The following FTCDNL1 variants were observed in gnomAD, a reference collection of about 807,000 sequenced individuals.
FTCDNL1 encodes the protein formiminotransferase cyclodeaminase N-terminal like, also known as formiminotransferase N-terminal subdomain-containing protein.
FTCDNL1 carries 11 observed loss-of-function variants against 5.9 expected under a neutral mutation model. That is an observed-to-expected ratio of 1.87 (90% CI 1.18 to 3.10). The LOEUF (loss-of-function observed/expected upper bound fraction) is 3.10. Among genes scored for constraint, FTCDNL1 ranks in the 30% most tolerant of loss-of-function variants. FTCDNL1 has a pLI of 0.00. For synonymous variants in FTCDNL1, 58 were observed against 24.8 expected (o/e 2.34, Z -3.99); for missense variants, 115 against 65.5 (o/e 1.76, Z -2.61).
chr2:199,740,920 C>G, the FTCDNL1 span, among the ~76,000 whole-genome samples: 1 of 152,096 alleles, frequency 6.6e-6, no homozygotes, highest in South Asian at 2.1e-4. Flanking sequence ...AATGGTTCGG[C>G]AAATGTTATA....
the FTCDNL1 span, among the ~76,000 whole-genome samples, chr2:199,696,382 C>A: frequency 6.6e-6 from 1 of 152,154 alleles, no homozygotes; most frequent in African/African-American, 2.4e-5. Context: ...TGCCAGCAAC[C>A]TCCCTCCCCC....
chr2:199,695,929 C>A, the FTCDNL1 span, among the ~76,000 whole-genome samples: 1 of 152,184 alleles, frequency 6.6e-6, no homozygotes, highest in East Asian at 1.9e-4. Context: ...GGGACCGAGG[C>A]AGTCTAATCT....
intron 4 of FTCDNL1, 71 bp downstream of exon 4, chr2:199,819,501 T>C (rs2106503541): frequency 1.5e-6 from 1 of 677,008 alleles, no homozygotes; most frequent in Non-Finnish European, 2.6e-6. Flanking sequence ...TAACAGGGTG[T>C]GGCTCATAAA....
chr2:199,741,495 G>A, the FTCDNL1 span, among the ~76,000 whole-genome samples: 2 of 152,022 alleles, frequency 1.3e-5, no homozygotes, highest in East Asian at 1.9e-4. Context: ...AGTCCCTTTC[G>A]ATTAGGTGAC....
chr2:199,701,346 A>C, the FTCDNL1 span, among the ~76,000 whole-genome samples: 1 of 86,390 alleles, frequency 1.2e-5, no homozygotes, highest in Non-Finnish European at 2.7e-5. Context: ...AAAAAAAAAA[A>C]AAAAAACCAC....
chr2:199,745,244 A>G, the FTCDNL1 span, among the ~76,000 whole-genome samples: 3 of 152,220 alleles, frequency 2.0e-5, no homozygotes, highest in Non-Finnish European at 2.9e-5. Context: ...AACTTGGGAT[A>G]TTGCAGTGAA....
At chr2:199,723,746 G>A in the FTCDNL1 span, among the ~76,000 whole-genome samples, 4 of 152,218 alleles carry the variant, frequency 2.6e-5, no homozygotes, top group East Asian at 1.9e-4. Context: ...ACTTGATTGC[G>A]GTGGATAAGC....
chr2:199,666,784 G>A, the FTCDNL1 span, among the ~76,000 whole-genome samples: 16 of 151,960 alleles, frequency 1.1e-4, no homozygotes, highest in East Asian at 1.9e-4. Context: ...GCATGGTGGT[G>A]CATGCCTGTA....
chr2:199,710,200 G>T, the FTCDNL1 span, among the ~76,000 whole-genome samples: 2 of 152,052 alleles, frequency 1.3e-5, no homozygotes, highest in African/African-American at 4.8e-5. Flanking sequence ...CCACATTTTT[G>T]TGCTTTTTGA....
chr2:199,793,416 A>G (rs967093897), intron 3 of FTCDNL1, among the ~76,000 whole-genome samples: 2 of 152,156 alleles, frequency 1.3e-5, no homozygotes, highest in African/African-American at 2.4e-5. Flanking sequence ...AATATATATG[A>G]CTACCCATCA....
intron 3 of FTCDNL1, among the ~76,000 whole-genome samples, chr2:199,822,654 G>T (rs1167357370): frequency 6.6e-6 from 1 of 152,118 alleles, no homozygotes; most frequent in Non-Finnish European, 1.5e-5. Context: ...TTTACCCGCA[G>T]TAAAACTTCA....
the FTCDNL1 span, among the ~76,000 whole-genome samples, chr2:199,710,771 G>A: frequency 9.9e-3 from 1,500 of 152,142 alleles, 27 homozygotes; most frequent in African/African-American, 0.034. Context: ...CCCTGAAGTC[G>A]TAGCATTCTA....
chr2:199,670,744 T>C, the FTCDNL1 span, among the ~76,000 whole-genome samples: 6 of 152,220 alleles, frequency 3.9e-5, no homozygotes, highest in African/African-American at 1.4e-4. Context: ...AAGGGCACAG[T>C]TGAACATGGC....
the FTCDNL1 span, among the ~76,000 whole-genome samples, chr2:199,668,122 C>T: frequency 6.6e-6 from 1 of 152,180 alleles, no homozygotes; most frequent in Non-Finnish European, 1.5e-5. Context: ...TTTTAAATTA[C>T]ACCACACGCT....
Position 199,809,880 on chromosome 2 carries a change from T to C in FTCDNL1, c.*2825A>G, listed in dbSNP as rs1169873092. On this transcript the variant is annotated 3_prime_UTR_variant, in exon 5 of 5. Transcript: ENST00000420128. ...ATTATATTTTGTAACCCTCTCATTTTTTAGTCACTTAGTACCTGATTTTTT... is the reference window on the plus strand; with the variant it reads ...ATTATATTTTGTAACCCTCTCATTTCTTAGTCACTTAGTACCTGATTTTTT... Among the ~76,000 whole-genome samples the C allele has an allele frequency of 7.0e-6, 1 of 143,154 alleles. No individual in the cohort carries two copies. Among genetic ancestry groups the C allele is most frequent in the Non-Finnish European group, 1.5e-5 (1 of 66,522 alleles). 93.9% of individuals were successfully genotyped at this position (143,154 alleles called of 152,430 possible). A position where few individuals can be genotyped will look rare whatever the true frequency, so the allele number is the denominator to read the frequency against.
intron 3 of FTCDNL1, among the ~76,000 whole-genome samples, chr2:199,840,717 T>C (rs1001989093): frequency 5.9e-5 from 9 of 152,080 alleles, no homozygotes; most frequent in African/African-American, 2.2e-4. Context: ...GGGGGTTAGA[T>C]AGGTACTTAG....
At chr2:199,845,395 C>T (rs1294752392) in intron 3 of FTCDNL1, among the ~76,000 whole-genome samples, 2 of 152,008 alleles carry the variant, frequency 1.3e-5, no homozygotes, top group African/African-American at 4.8e-5. Flanking sequence ...GGCAAATCCC[C>T]ATCTCTACTG....
intron 3 of FTCDNL1, among the ~76,000 whole-genome samples, chr2:199,845,833 C>CA (rs750888679): frequency 4.2e-3 from 418 of 100,338 alleles, no homozygotes; most frequent in Middle Eastern, 0.017. Flanking sequence ...TCACCTTCAG[C>CA]AAAAAAAAAA....
At chr2:199,722,525 G>C in the FTCDNL1 span, among the ~76,000 whole-genome samples, 1 of 152,130 alleles carries the variant, frequency 6.6e-6, no homozygotes, top group Non-Finnish European at 1.5e-5. Flanking sequence ...GTTTACTGTA[G>C]CCTTGTAGTA....
Sources: gnomAD v4.1 joint callset for allele counts (sites outside exome capture counted in the v4.1 genomes callset) on GRCh38, gnomAD v4.1.1 for gene constraint, MANE v1.5 for transcripts, NCBI Gene and HGNC (gene_info 2026-07-23, HGNC 2026-07-21) for gene names.